NCF2: variants seen among roughly 807,000 people sequenced by gnomAD.
NCF2 encodes neutrophil cytosol factor 2.
In NCF2, 45 loss-of-function variants were observed where a neutral mutation model predicts 70.9. That is an observed-to-expected ratio of 0.63 (90% CI 0.50 to 0.81). NCF2 has a LOEUF of 0.81. NCF2 is among the 40% of genes least tolerant of loss of function. The probability of loss-of-function intolerance (pLI) is 0.00; values close to 1 mark genes in which losing one functional copy is unlikely to be tolerated. For missense variants in NCF2, 522 were observed against 631.6 expected, an observed-to-expected ratio of 0.83 and a Z score of 1.86; for synonymous variants, 203 against 233.6, an observed-to-expected ratio of 0.87 and a Z score of 1.19.
chr1:183,600,574 A>G, the NCF2 span, among the ~76,000 whole-genome samples: 1 of 152,190 alleles, frequency 6.6e-6, no homozygotes, highest in East Asian at 1.9e-4. Flanking sequence ...CTCTTGGCTC[A>G]GATTAGAAGA....
chr1:183,564,080 T>C (rs1200132598), intron 10 of NCF2, 50 bp from the exon 11 acceptor site: 1 of 1,563,494 alleles, frequency 6.4e-7, no homozygotes, highest in South Asian at 1.1e-5. Context: ...TGAATGAACA[T>C]CCTTGGCCAG....
chr1:183,573,842 C>A (rs1488745821), intron 4 of NCF2, among the ~76,000 whole-genome samples: 2 of 152,208 alleles, frequency 1.3e-5, no homozygotes, highest in Admixed American at 6.6e-5. Flanking sequence ...GTAATCCCTG[C>A]ACTTTGGGAG....
At chr1:183,559,998 GT>G in intron 14 of NCF2, 97 bp downstream of exon 14, 1 of 1,374,244 alleles carries the variant, frequency 7.3e-7, no homozygotes, top group Non-Finnish European at 1.0e-6. Flanking sequence ...ACTGGCTAAA[GT>G]TTTGTTTGTA....
intron 1 of NCF2, among the ~76,000 whole-genome samples, chr1:183,589,867 G>A (rs1673558171): frequency 6.6e-6 from 1 of 152,132 alleles, no homozygotes; most frequent in Admixed American, 6.5e-5. Context: ...GTACGACTAG[G>A]ACAGCCTTCA....
the NCF2 span, among the ~76,000 whole-genome samples, chr1:183,596,117 G>T: frequency 6.6e-6 from 1 of 151,850 alleles, no homozygotes; most frequent in Non-Finnish European, 1.5e-5. Flanking sequence ...GAAAATACAA[G>T]ATCTGTGTCT....
intron 4 of NCF2, 150 bp downstream of exon 4, chr1:183,574,337 A>G (rs1032870595): frequency 8.2e-7 from 1 of 1,224,156 alleles, no homozygotes; most frequent in African/African-American, 1.5e-5. Context: ...CAGATTCAAG[A>G]TCTTAAGTGG....
At chr1:183,598,957 A>G in the NCF2 span, among the ~76,000 whole-genome samples, 1 of 152,244 alleles carries the variant, frequency 6.6e-6, no homozygotes, top group Non-Finnish European at 1.5e-5. Flanking sequence ...TAGAAGTGGT[A>G]TCAAAGACTT....
At chr1:183,586,203 G>A (rs1033905870) in intron 2 of NCF2, among the ~76,000 whole-genome samples, 12 of 152,124 alleles carry the variant, frequency 7.9e-5, no homozygotes, top group Non-Finnish European at 1.3e-4. Context: ...GTGTGGTGGC[G>A]CATGCCTGTA....
chr1:183,596,589 T>A, the NCF2 span, among the ~76,000 whole-genome samples: 1 of 151,956 alleles, frequency 6.6e-6, no homozygotes, highest in East Asian at 1.9e-4. Flanking sequence ...CTGACCAACA[T>A]GGTGAAACCC....
At chr1:183,594,174 G>A (rs1673732759), upstream of NCF2, among the ~76,000 whole-genome samples, 1 of 152,202 alleles carries the variant, frequency 6.6e-6, no homozygotes. Flanking sequence ...CCAACACTTA[G>A]GTGGGAAGAT....
chr1:183,575,125 T>C (rs1344264163), intron 3 of NCF2, among the ~76,000 whole-genome samples: 2 of 152,196 alleles, frequency 1.3e-5, no homozygotes, highest in African/African-American at 4.8e-5. Flanking sequence ...TGCAACCTCC[T>C]GTACCAGCAC....
intron 7 of NCF2, 40 bp downstream of exon 7, chr1:183,569,102 G>T (rs759471094): frequency 1.3e-5 from 20 of 1,593,080 alleles, no homozygotes; most frequent in Non-Finnish European, 1.7e-5. Flanking sequence ...CTCAGGCTTG[G>T]CGCTTGGATA....
chr1:183,566,816 C>A, intron 9 of NCF2, 104 bp downstream of exon 9: 3 of 1,430,804 alleles, frequency 2.1e-6, no homozygotes. Flanking sequence ...GTGAATCTTT[C>A]TCCAGGGGTC....
chr1:183,564,800 A>C (rs947171146), intron 10 of NCF2, among the ~76,000 whole-genome samples: 1 of 152,252 alleles, frequency 6.6e-6, no homozygotes, highest in African/African-American at 2.4e-5. Context: ...TATGGAATAT[A>C]CATTATATAA....
chr1:183,576,745 C>T (rs887936237), intron 3 of NCF2, among the ~76,000 whole-genome samples: 17 of 152,154 alleles, frequency 1.1e-4, no homozygotes, highest in Non-Finnish European at 1.5e-4. Flanking sequence ...GGGCCGAGGG[C>T]GGCTACAGAC....
chr1:183,566,552 T>C (rs539273435), intron 9 of NCF2, among the ~76,000 whole-genome samples: 1 of 152,352 alleles, frequency 6.6e-6, no homozygotes, highest in East Asian at 1.9e-4. Flanking sequence ...CCTCATTTTC[T>C]TTCTAATGGC....
rs573245754 is a variant in NCF2 at position 183,569,652 on chromosome 1, G to C, written c.670-467C>G. 4.6e-5 allele frequency among the ~76,000 whole-genome samples: 7 copies of C among 152,104 alleles called. No individual in the cohort carries two copies. In the South Asian group the frequency reaches 1.2e-3, roughly 27 times the overall value. ...CGCCCAGGCTGGAGTGCAGTGGCGC[G>C]ATCTTGGCTCACTGCAACCTCTGCC... On this transcript the variant is annotated intron_variant, in intron 6 of 14. Coordinates refer to ENST00000367535, the MANE Select transcript of NCF2 (RefSeq NM_000433.4).
chr1:183,569,170 G>A lies in NCF2; in HGVS notation c.685C>T (p.Pro229Ser), dbSNP rs1431395639. The change falls in exon 7 of 15, where the codon CCC becomes TCC. Residue 229 changes from proline to serine, a missense_variant. Coordinates refer to ENST00000367535, the MANE Select transcript of NCF2 (RefSeq NM_000433.4). ...AAGATCTCTGGGGTTTTCGGTCTGG[G>A]TGGAGGCTCAGCTGCCTATTGAACA... is the stretch of plus-strand genomic sequence containing the variant. ...PLQPQAAEPP[P>S]RPKTPEIFRA... 5 of 1,614,136 alleles carry A rather than the reference G, an allele frequency of 3.1e-6. No individual in the cohort carries two copies. The highest frequency in any genetic ancestry group is 4.2e-6 in the Non-Finnish European group (5 of 1,180,012).
chr1:183,557,650 A>T (rs142167522), intron 14 of NCF2, among the ~76,000 whole-genome samples: 1 of 152,216 alleles, frequency 6.6e-6, no homozygotes, highest in Non-Finnish European at 1.5e-5. Flanking sequence ...ACTTGTACAG[A>T]TAGGTCATAG....
Sources: allele counts gnomAD v4.1 joint callset (sites outside exome capture counted in the v4.1 genomes callset), GRCh38; gene constraint gnomAD v4.1.1; transcripts MANE v1.5; gene names NCBI Gene and HGNC (gene_info 2026-07-23, HGNC 2026-07-21).